TFAP4: variants seen among roughly 807,000 people sequenced by gnomAD.
TFAP4 encodes the protein activating enhancer-binding protein 4.
In TFAP4, 7 loss-of-function variants were observed where a neutral mutation model predicts 40.4. That is an observed-to-expected ratio of 0.17 (90% confidence interval 0.10 to 0.33). The LOEUF is 0.33. TFAP4 is among the 10% of genes least tolerant of loss of function. The pLI, the probability that TFAP4 is intolerant of heterozygous loss-of-function variation, is 1.00. For missense variants in TFAP4, 374 were observed against 451.1 expected (o/e 0.83, Z 1.55); for synonymous variants, 218 against 181.4 (o/e 1.20, Z -1.62).
In TFAP4 at chr16:4,261,881, G is replaced by A; in HGVS notation, c.423C>T (p.Asp141=). ...CCTCCGCCTTCTCGTCCTCCCAGAT[G>A]TCCGGGGAGCCTATGCCTTCGTCCT... ...EDKDEGIGSP[D]IWEDEKAEDL... is the part of the protein sequence containing the mutation. The change falls in exon 4 of 7, where the codon GAC becomes GAT. Residue 141 remains aspartate (D), a synonymous_variant. Coordinates refer to ENST00000204517, the MANE Select transcript of TFAP4 (RefSeq NM_003223.3). The A allele has an allele frequency of 6.2e-7, 1 of 1,613,704 alleles. No individual in the cohort carries two copies. The highest frequency in any genetic ancestry group is 8.5e-7 in the Non-Finnish European group (1 of 1,179,926).
At chr16:4,268,955 A>G (rs192740619) in intron 1 of TFAP4, among the ~76,000 whole-genome samples, 19 of 151,848 alleles carry the variant, frequency 1.3e-4, no homozygotes, top group Admixed American at 1.2e-3. Flanking sequence ...TGCTATGATC[A>G]TAGCTCACTG....
At chr16:4,260,036 G>T (rs1181890713) in intron 6 of TFAP4, 54 bp downstream of exon 6, 1 of 1,560,812 alleles carries the variant, frequency 6.4e-7, no homozygotes, top group Non-Finnish European at 8.7e-7. Flanking sequence ...CCCCTAAAGA[G>T]CCTGTTCCCG....
chr16:4,258,333 G>C, intron 6 of TFAP4, 84 bp from the exon 7 acceptor site: 1 of 1,347,606 alleles, frequency 7.4e-7, no homozygotes, highest in African/African-American at 1.5e-5. Flanking sequence ...GCCAGCCACT[G>C]TCACCCCCAA....
At chr16:4,272,040 C>G (rs144403225) in intron 1 of TFAP4, among the ~76,000 whole-genome samples, 32,579 of 151,288 alleles carry the variant, frequency 0.22, 3,764 homozygotes, top group Middle Eastern at 0.26. Flanking sequence ...AGCCAACGTG[C>G]CCCGGGCCGC....
At chr16:4,269,735 C>T (rs1049094378) in intron 1 of TFAP4, among the ~76,000 whole-genome samples, 2 of 145,892 alleles carry the variant, frequency 1.4e-5, no homozygotes, top group East Asian at 2.1e-4. Context: ...GCTTGAACCC[C>T]GGAGGCAGAA....
intron 1 of TFAP4, among the ~76,000 whole-genome samples, chr16:4,269,091 T>A (rs908223112): frequency 3.3e-5 from 5 of 152,112 alleles, no homozygotes; most frequent in Admixed American, 3.3e-4. Flanking sequence ...TCTTGCTATG[T>A]TGCCCAGGCT....
rs71139626 is a variant in TFAP4 at position 4,272,954 on chromosome 16, ATGTGTGTGTGTGTGTG to A, written c.-224_-209del. On this transcript the variant is annotated 5_prime_UTR_variant, in exon 1 of 7. Coordinates refer to ENST00000204517, the MANE Select transcript of TFAP4 (RefSeq NM_003223.3). ...CCGGCCTGCCTCCCCGGGCGTGTGT[ATGTGTGTGTGTGTGTG>A]TGTGTGTGTGTGTGTGTGTGTGTGT... 5.6e-4 allele frequency: 88 copies of A among 156,258 alleles called. No individual in the cohort carries two copies. Among genetic ancestry groups the A allele is most frequent in the Middle Eastern group, 5.0e-3 (2 of 398 alleles). 9.7% of individuals were successfully genotyped at this position (156,258 alleles called of 1,614,324 possible).
At chr16:4,271,697 G>A (rs928070455) in intron 1 of TFAP4, among the ~76,000 whole-genome samples, 1 of 152,182 alleles carries the variant, frequency 6.6e-6, no homozygotes, top group Non-Finnish European at 1.5e-5. Flanking sequence ...ACGGCAGGGG[G>A]GAGGGGCGTT....
In TFAP4 at chr16:4,262,465, C is replaced by T. The variant is rs1459610141; in HGVS notation, c.256-43G>A. On this transcript the variant is annotated intron_variant, in intron 2 of 6. Transcript: ENST00000204517. ...CCGAGAGTCAGGCTGGCAGTGTTTACCAGAGCTCACTTTCCTCTCCCAGCG... is the reference window on the plus strand; with the variant it reads ...CCGAGAGTCAGGCTGGCAGTGTTTATCAGAGCTCACTTTCCTCTCCCAGCG... The T allele has an allele frequency of 3.1e-6, 5 of 1,613,726 alleles. No individual in the cohort carries two copies. In the African/African-American group the frequency reaches 5.3e-5, roughly 17 times the overall value.
At position 4,260,546 on chromosome 16, in the gene TFAP4, G is replaced by A. The variant is rs1323267931; in HGVS notation, c.575C>T (p.Ala192Val). ...HMYPEKLKVI[A>V]QQVQLQQQQE... ...CTGCTGCTGCAGCTGCACCTGCTGC[G>A]CAATCACCTTGAGCTTTTCCGGGTA... is the stretch of plus-strand genomic sequence containing the variant. The change falls in exon 5 of 7, where the codon GCG becomes GTG. Residue 192 changes from alanine (A) to valine (V), a missense_variant. Around this residue, in one of 6 missense-constraint regions of TFAP4, gnomAD observed 161 missense variants for 154.2 expected, o/e 1.04. Transcript: ENST00000204517. 13 of 1,611,542 alleles carry A rather than the reference G, an allele frequency of 8.1e-6. No homozygotes were observed. Among genetic ancestry groups the A allele is most frequent in the African/African-American group, 4.0e-5 (3 of 74,858 alleles).
intron 1 of TFAP4, among the ~76,000 whole-genome samples, chr16:4,268,507 G>T (rs995160670): frequency 3.9e-5 from 6 of 152,010 alleles, no homozygotes; most frequent in African/African-American, 1.2e-4. Context: ...ATAAATCAGG[G>T]ACCCAATAAA....
intron 1 of TFAP4, 143 bp downstream of exon 1, chr16:4,272,515 T>G (rs1481398702): frequency 1.9e-5 from 10 of 515,350 alleles, no homozygotes; most frequent in East Asian, 3.9e-5. Context: ...ACCCGGCGTG[T>G]GGGGCTGCAG....
chr16:4,261,733 C>G, intron 4 of TFAP4, 46 bp downstream of exon 4: 1 of 1,524,596 alleles, frequency 6.6e-7, no homozygotes, highest in Non-Finnish European at 8.7e-7. Context: ...CCAGGCTCCA[C>G]GCCCTCTGCA....
At position 4,260,224 on chromosome 16, in the gene TFAP4, T is replaced by TG; in HGVS notation, c.687dup (p.Thr230HisfsTer82). 5 of 223,750 alleles carry TG rather than the reference T, an allele frequency of 2.2e-5. No individual in the cohort carries two copies. Among genetic ancestry groups the TG allele is most frequent in the Admixed American group, 6.5e-5 (1 of 15,480 alleles). The allele number at this position is 223,750 out of a possible 1,614,324, so 13.9% of individuals were successfully genotyped here. A position where few individuals can be genotyped will look rare whatever the true frequency, so the allele number is the denominator to read the frequency against. ...GGCACGATCACCGTGGGGTGGTGGG[T>TG]GGGGGCCGGAGGGGGCAGAAGCTGC... On this transcript the variant is annotated frameshift_variant, in exon 6 of 7. Transcript: ENST00000204517. LOFTEE classifies it high-confidence loss of function.
chr16:4,258,530 CCCTCCCTAGTAGCTGGAA>C (rs2052918171), intron 6 of TFAP4: 1 of 300,348 alleles, frequency 3.3e-6, no homozygotes, highest in African/African-American at 2.2e-5. Flanking sequence ...TCCTACTGCT[CCCTCCCTAGTAGCTGGAA>C]CCACAGGGGT....
At chr16:4,266,035 C>CG (rs1289490743) in intron 1 of TFAP4, 2 of 152,408 alleles carry the variant, frequency 1.3e-5, no homozygotes, top group Middle Eastern at 3.1e-3. Flanking sequence ...CTGCACCTCC[C>CG]GGCCCAAGTC....
chr16:4,271,680 T>A (rs2053041740), intron 1 of TFAP4, among the ~76,000 whole-genome samples: 1 of 152,104 alleles, frequency 6.6e-6, no homozygotes, highest in Non-Finnish European at 1.5e-5. Flanking sequence ...CCCGACGCTT[T>A]CGGTTTACGG....
intron 1 of TFAP4, chr16:4,266,421 T>C (rs148757233): frequency 6.6e-6 from 1 of 152,282 alleles, no homozygotes; most frequent in Non-Finnish European, 1.5e-5. Context: ...GGGACCTGAA[T>C]CTGCCACCAA....
chr16:4,257,858 G>A lies in TFAP4; in HGVS notation c.*197C>T. On this transcript the variant is annotated 3_prime_UTR_variant, in exon 7 of 7. Transcript: ENST00000204517. ...GTGCCGATGCTCCCACACGCTCTGC[G>A]ACACCCCAGCCCCGGGACCTCGGGT... 1.7e-6 allele frequency: 1 copy of A among 595,614 alleles called. No individual in the cohort carries two copies. The highest frequency in any genetic ancestry group is 2.9e-6 in the Non-Finnish European group (1 of 349,764). The allele number at this position is 595,614 out of a possible 1,614,324, so 36.9% of individuals were successfully genotyped here. A position where few individuals can be genotyped will look rare whatever the true frequency, so the allele number is the denominator to read the frequency against.
Sources: allele counts gnomAD v4.1 joint callset (sites outside exome capture counted in the v4.1 genomes callset), GRCh38; gene constraint gnomAD v4.1.1; regional missense constraint gnomAD v4.1.1; transcripts MANE v1.5; gene names NCBI Gene and HGNC (gene_info 2026-07-23, HGNC 2026-07-21).